RCC1: variants seen among roughly 807,000 people sequenced by gnomAD.
RCC1 encodes the protein regulator of chromosome condensation 1, also known as regulator of chromosome condensation.
RCC1 carries 11 observed loss-of-function variants against 44.4 expected under a neutral mutation model. That is an observed-to-expected ratio of 0.25 (90% CI 0.16 to 0.41). RCC1 has a LOEUF of 0.41. RCC1 is among the 10% of genes least tolerant of loss of function. RCC1 has a pLI of 1.00. For missense variants in RCC1, 386 were observed against 547.1 expected (o/e 0.71, Z 2.94); for synonymous variants, 213 against 216.5 (o/e 0.98, Z 0.14).
chr1:28,530,507 T>C (rs1368248306), intron 5 of RCC1: 1 of 1,595,592 alleles, frequency 6.3e-7, no homozygotes, highest in East Asian at 2.2e-5. Context: ...GCTCAGACAG[T>C]GTCTGTCTTT....
chr1:28,524,625 A>T (rs948481410), intron 4 of RCC1, among the ~76,000 whole-genome samples: 5 of 152,174 alleles, frequency 3.3e-5, no homozygotes, highest in Non-Finnish European at 7.3e-5. Flanking sequence ...TGGGAGTCCA[A>T]GGCTAGAGAA....
chr1:28,526,913 A>G (rs1570199431), intron 4 of RCC1: 3 of 776,914 alleles, frequency 3.9e-6, no homozygotes, highest in Middle Eastern at 3.8e-4. Context: ...AAAAAAAAAA[A>G]GAAAGAAATC....
At chr1:28,514,851 G>A (rs181441705) in intron 3 of RCC1, among the ~76,000 whole-genome samples, 139 of 151,916 alleles carry the variant, frequency 9.1e-4, no homozygotes, top group African/African-American at 3.1e-3. Context: ...GGCAGATCAC[G>A]AGGTCAGAGC....
rs1431702648 is a variant in RCC1, at chr1:28,531,464, CT to C, written c.74-337del. On this transcript the variant is annotated intron_variant, in intron 5 of 12. Transcript: ENST00000683442. The stretch of plus-strand genomic sequence containing the variant: ...TCCTGACCTCAAGTGATCCGCCCGC[CT>C]TGGCCTCCCACAGTGCTAGGATTAC... 2.0e-5 allele frequency among the ~76,000 whole-genome samples: 3 copies of C among 151,914 alleles called. No homozygotes were observed. In the East Asian group the frequency reaches 5.9e-4, roughly 30 times the overall value.
intron 4 of RCC1, among the ~76,000 whole-genome samples, chr1:28,526,065 G>A (rs1172891137): frequency 1.3e-5 from 2 of 151,808 alleles, no homozygotes; most frequent in Non-Finnish European, 2.9e-5. Context: ...CGGGTAGATC[G>A]CTTGAGCCCA....
At position 28,536,758 on chromosome 1, in the gene RCC1, A is replaced by G; in HGVS notation, c.949A>G (p.Ser317Gly). Residue 317 changes from serine (S) to glycine (G), a missense_variant, in exon 12 of 13, where the codon AGC becomes GGC. Ser to Gly is a moderately conservative substitution (Grantham distance 56). Transcript: ENST00000683442. The surrounding 1 kb of genome is among the most constrained non-coding windows in gnomAD (Gnocchi z 4.9). ...VCMDSEGKAY[S>G]LGRAEYGRLG... ...CCCTCCTCCCATAGGAAAAGCATAC[A>G]GCCTGGGCCGGGCTGAGTATGGGCG... is the stretch of plus-strand genomic sequence containing the variant. 6.2e-7 allele frequency: 1 copy of G among 1,613,972 alleles called. No individual in the cohort carries two copies.
Position 28,532,000 on chromosome 1 carries a change from G to A in RCC1, c.261+10G>A. The A allele has an allele frequency of 6.4e-7, 1 of 1,568,440 alleles. No individual in the cohort carries two copies. Among genetic ancestry groups the A allele is most frequent in the Non-Finnish European group, 8.6e-7 (1 of 1,157,908 alleles). On this transcript the variant is annotated intron_variant, in intron 6 of 12. Coordinates refer to ENST00000683442, the MANE Select transcript of RCC1 (RefSeq NM_001381865.2). The stretch of plus-strand genomic sequence containing the variant: ...AAGCAAAAGTGGCCAGGTAGGTGTT[G>A]GGGACTGGCACAGGGTTGGACAAGG...
chr1:28,508,848 CTTCGCAT>C lies in RCC1; in HGVS notation c.-207_-201del, dbSNP rs1404336437. The C allele has an allele frequency of 7.7e-6, 4 of 517,452 alleles. No individual in the cohort carries two copies. The highest frequency in any genetic ancestry group is 2.0e-5 in the Admixed American group (1 of 51,226). 32.1% of individuals were successfully genotyped at this position (517,452 alleles called of 1,614,324 possible). ...CTTTTAGGAGAGAAGACGATCTGCA[CTTCGCAT>C]TTTGGCATTGACATTTAATTTTAGG... On this transcript the variant is annotated 5_prime_UTR_variant, in exon 3 of 13. Coordinates refer to ENST00000683442, the MANE Select transcript of RCC1 (RefSeq NM_001381865.2).
chr1:28,532,392 G>A, intron 7 of RCC1, 42 bp downstream of exon 7: 1 of 1,603,152 alleles, frequency 6.2e-7, no homozygotes, highest in South Asian at 1.1e-5. Flanking sequence ...CTGAAAGACA[G>A]AATTAATTGG....
chr1:28,534,981 G>C (rs959027474), intron 7 of RCC1, 69 bp from the exon 8 acceptor site: 6 of 1,229,580 alleles, frequency 4.9e-6, no homozygotes, highest in Non-Finnish European at 7.2e-6. Flanking sequence ...TGGTGCCACT[G>C]CCCTTCTGGA....
intron 3 of RCC1, among the ~76,000 whole-genome samples, chr1:28,511,396 G>T (rs948822279): frequency 1.7e-4 from 22 of 131,840 alleles, no homozygotes; most frequent in African/African-American, 2.5e-4. Flanking sequence ...CCAATTTTTT[G>T]TTTTTTGTTT....
In RCC1 at chr1:28,511,530, G is replaced by A. The variant is rs372867214; in HGVS notation, c.-153+2625G>A. On this transcript the variant is annotated intron_variant, in intron 3 of 12. Transcript: ENST00000683442. ...ACTACAGGTGCACGCCGCCACACCC[G>A]GCTAATTTTTTTGTATTTTTAGTAG... Among the ~76,000 whole-genome samples, 12 of 151,688 alleles carry A rather than the reference G, an allele frequency of 7.9e-5. 1 individual carries two copies. The East Asian group carries it at 9.7e-4, about 12-fold the overall frequency.
chr1:28,532,406 G>T (rs1664236321), intron 7 of RCC1, 56 bp downstream of exon 7: 1 of 1,589,342 alleles, frequency 6.3e-7, no homozygotes, highest in Non-Finnish European at 8.6e-7. Flanking sequence ...TAATTGGCGG[G>T]GCCCCAAAGA....
Position 28,536,516 on chromosome 1 carries a change from C to G in RCC1, c.937+135C>G. The stretch of plus-strand genomic sequence containing the variant: ...GTACCATACATGGGTCCATGAGAGT[C>G]ACTCTCATCCTCCTAGAGTCCTGGT... On this transcript the variant is annotated intron_variant, in intron 11 of 12. Coordinates refer to ENST00000683442, the MANE Select transcript of RCC1 (RefSeq NM_001381865.2). The surrounding 1 kb of genome is among the most constrained non-coding windows in gnomAD (Gnocchi z 4.9). 1 of 1,195,824 alleles carries G rather than the reference C, an allele frequency of 8.4e-7. No homozygotes were observed. The highest frequency in any genetic ancestry group is 1.2e-6 in the Non-Finnish European group (1 of 852,990). The allele number at this position is 1,195,824 out of a possible 1,614,324, so 74.1% of individuals were successfully genotyped here.
At chr1:28,507,386 A>G (rs749008821) in intron 1 of RCC1, 8 of 519,004 alleles carry the variant, frequency 1.5e-5, no homozygotes, top group South Asian at 1.1e-4. Context: ...TACACCCGGG[A>G]GGTCACTCTC....
chr1:28,534,673 G>T (rs1664431334), intron 7 of RCC1, among the ~76,000 whole-genome samples: 1 of 152,092 alleles, frequency 6.6e-6, no homozygotes, highest in African/African-American at 2.4e-5. Context: ...TAGGGACGGG[G>T]TTTCACCGTG....
intron 4 of RCC1, among the ~76,000 whole-genome samples, chr1:28,522,730 G>A (rs1034693604): frequency 2.0e-5 from 3 of 151,846 alleles, no homozygotes; most frequent in African/African-American, 4.8e-5. Flanking sequence ...CAGGAGGGTC[G>A]CTTGAGCCTA....
chr1:28,532,258 C>A lies in RCC1; in HGVS notation c.349C>A (p.Leu117Met). Residue 117 changes from leucine (L) to methionine (M), a missense_variant, in exon 7 of 13, where the codon CTG becomes ATG. Leu to Met is a conservative substitution (Grantham distance 15). Transcript: ENST00000683442. ...GSEMVPGKVE[L>M]QEKVVQVSAG... ...GGAGATGGTCCCTGGGAAAGTGGAGCTGCAAGAGAAGGTGGTACAGGTGTC... is the reference window on the plus strand; with the variant it reads ...GGAGATGGTCCCTGGGAAAGTGGAGATGCAAGAGAAGGTGGTACAGGTGTC... The A allele has an allele frequency of 1.2e-6, 2 of 1,614,114 alleles. No homozygotes were observed. Among genetic ancestry groups the A allele is most frequent in the South Asian group, 2.2e-5 (2 of 91,076 alleles).
chr1:28,508,041 A>G (rs1286692000), intron 1 of RCC1, 87 bp from the exon 2 acceptor site: 3 of 392,230 alleles, frequency 7.6e-6, no homozygotes, highest in Non-Finnish European at 1.6e-5. Flanking sequence ...GTGCCACTGT[A>G]CTCCAACCCC....
Sources: gnomAD v4.1 joint callset for allele counts (sites outside exome capture counted in the v4.1 genomes callset) on GRCh38, gnomAD v4.1.1 for gene constraint, Gnocchi (gnomAD v3.1) non-coding constraint, MANE v1.5 for transcripts, NCBI Gene and HGNC (gene_info 2026-07-23, HGNC 2026-07-21) for gene names.